Variants in TSPAN15 observed in about 807,000 individuals in gnomAD.
TSPAN15 encodes tetraspanin 15.
TSPAN15 carries 20 observed loss-of-function variants against 34.5 expected under a neutral mutation model. The ratio of observed to expected loss-of-function variants is 0.58; its 90% CI spans 0.41 to 0.84. The LOEUF (loss-of-function observed/expected upper bound fraction) is 0.84. Among genes scored for constraint, TSPAN15 ranks in the 40% least tolerant of loss-of-function variants. TSPAN15 has a pLI of 0.00. For missense variants in TSPAN15, 313 were observed against 386.1 expected (o/e 0.81, Z 1.59); for synonymous variants, 155 against 153.9 (o/e 1.01, Z -0.05).
intron 1 of TSPAN15, among the ~76,000 whole-genome samples, chr10:69,482,030 C>T (rs1841743588): frequency 6.6e-6 from 1 of 151,838 alleles, no homozygotes; most frequent in Non-Finnish European, 1.5e-5. Flanking sequence ...ATTGAAAAAT[C>T]CCTCCTGGAG....
At chr10:69,466,898 C>T (rs1841395631) in intron 1 of TSPAN15, among the ~76,000 whole-genome samples, 1 of 152,194 alleles carries the variant, frequency 6.6e-6, no homozygotes, top group South Asian at 2.1e-4. Context: ...AGGCAGTTGG[C>T]GCTCTGAGGG....
chr10:69,501,337 A>G (rs952606080), intron 5 of TSPAN15, among the ~76,000 whole-genome samples: 1 of 152,176 alleles, frequency 6.6e-6, no homozygotes, highest in Admixed American at 6.5e-5. Context: ...GGTAGGGAGG[A>G]GCCTTCCCCT....
intron 1 of TSPAN15, among the ~76,000 whole-genome samples, chr10:69,455,664 A>G (rs1428793841): frequency 1.8e-5 from 2 of 110,740 alleles, no homozygotes; most frequent in African/African-American, 3.6e-5. Context: ...TCTTTCTTTC[A>G]CTGAGAACAG....
At chr10:69,525,437 A>G in the TSPAN15 span, among the ~76,000 whole-genome samples, 1 of 144,652 alleles carries the variant, frequency 6.9e-6, no homozygotes, top group African/African-American at 2.5e-5. Flanking sequence ...GCTTGAGCTC[A>G]GGACTTCAAG....
intron 6 of TSPAN15, 125 bp from the exon 7 acceptor site, chr10:69,505,999 A>G: frequency 1.4e-6 from 1 of 711,738 alleles, no homozygotes; most frequent in Non-Finnish European, 2.4e-6. Context: ...CATGCTGCAT[A>G]TGGGAAACTG....
rs114453602 is a variant in TSPAN15 at position 69,504,565 on chromosome 10, G to T, written c.618+80G>T. The T allele has an allele frequency of 3.7e-4, 537 of 1,467,840 alleles. 1 individual carries two copies. In the African/African-American group the frequency reaches 6.9e-3, roughly 19 times the overall value. 90.9% of individuals were successfully genotyped at this position (1,467,840 alleles called of 1,614,324 possible). A position where few individuals can be genotyped will look rare whatever the true frequency, so the allele number is the denominator to read the frequency against. ...GGGGTGATCGGAGGGGTTTATTGAG[G>T]TCGGGGTCCTGGCCACTGAGATTTT... On this transcript the variant is annotated intron_variant, in intron 6 of 7. Transcript: ENST00000373290.
At chr10:69,508,087 C>T (rs1020730682), downstream of TSPAN15, among the ~76,000 whole-genome samples, 1 of 152,082 alleles carries the variant, frequency 6.6e-6, no homozygotes, top group Non-Finnish European at 1.5e-5. Context: ...CTCAAACCTT[C>T]GGGCCAGAAG....
chr10:69,487,799 G>T (rs1357443567), intron 3 of TSPAN15, among the ~76,000 whole-genome samples: 2 of 152,190 alleles, frequency 1.3e-5, no homozygotes, highest in Non-Finnish European at 2.9e-5. Context: ...TCACAGCTTG[G>T]GTTTCCGTGG....
intron 1 of TSPAN15, among the ~76,000 whole-genome samples, chr10:69,469,093 G>T (rs183309939): frequency 1.9e-3 from 283 of 151,584 alleles, no homozygotes; most frequent in African/African-American, 6.4e-3. Flanking sequence ...GGGGCTTGGA[G>T]ATTGAGCTCT....
chr10:69,452,241 C>G (rs761484795), intron 1 of TSPAN15, among the ~76,000 whole-genome samples: 1 of 152,248 alleles, frequency 6.6e-6, no homozygotes, highest in Non-Finnish European at 1.5e-5. Flanking sequence ...CTCCTGCACA[C>G]CTAGGTGCTC....
the TSPAN15 span, among the ~76,000 whole-genome samples, chr10:69,520,797 G>A: frequency 6.6e-6 from 1 of 152,184 alleles, no homozygotes; most frequent in African/African-American, 2.4e-5. Context: ...ACAAATATCT[G>A]TTTGAGTTTC....
chr10:69,492,436 ACAAGTGGTGCACACTTG>A (rs1841989147), intron 3 of TSPAN15, among the ~76,000 whole-genome samples: 1 of 152,218 alleles, frequency 6.6e-6, no homozygotes, highest in East Asian at 1.9e-4. Context: ...GCACACACAT[ACAAGTGGTGCACACTTG>A]CAAGAACCAG....
chr10:69,464,561 G>A (rs1841341331), intron 1 of TSPAN15, among the ~76,000 whole-genome samples: 1 of 152,124 alleles, frequency 6.6e-6, no homozygotes, highest in Non-Finnish European at 1.5e-5. Flanking sequence ...TCTCAGGAAG[G>A]ACTTGCCGGC....
chr10:69,466,590 G>A (rs991466905), intron 1 of TSPAN15, among the ~76,000 whole-genome samples: 4 of 152,080 alleles, frequency 2.6e-5, no homozygotes, highest in Admixed American at 2.6e-4. Context: ...TTAAAACATC[G>A]AGTTAATAAT....
intron 1 of TSPAN15, among the ~76,000 whole-genome samples, chr10:69,459,915 T>C (rs1395042812): frequency 1.2e-5 from 1 of 83,440 alleles, no homozygotes; most frequent in African/African-American, 5.0e-5. Context: ...AGGGAGACTC[T>C]AGGCACCCCC....
the TSPAN15 span, among the ~76,000 whole-genome samples, chr10:69,517,156 TCACCTCG>T: frequency 6.6e-6 from 1 of 152,292 alleles, no homozygotes; most frequent in Non-Finnish European, 1.5e-5. Flanking sequence ...ATGTCACCTG[TCACCTCG>T]CTGGTGGCTG....
the TSPAN15 span, among the ~76,000 whole-genome samples, chr10:69,515,363 G>C: frequency 2.6e-5 from 4 of 152,124 alleles, no homozygotes; most frequent in African/African-American, 9.7e-5. Flanking sequence ...AGGTCGCCAG[G>C]GCTGACTCAG....
Position 69,507,205 on chromosome 10 carries a change from C to T in TSPAN15, c.*227C>T. On this transcript the variant is annotated 3_prime_UTR_variant, in exon 8 of 8. Coordinates refer to ENST00000373290, the MANE Select transcript of TSPAN15 (RefSeq NM_012339.5). ...CCGAGGCAGCTCTGGAATCTGTGCC[C>T]ACCTGGGGCCTGGGGAACAAGGCCC... 2 of 1,411,818 alleles carry T rather than the reference C, an allele frequency of 1.4e-6. No individual in the cohort carries two copies. Among genetic ancestry groups the T allele is most frequent in the Non-Finnish European group, 1.8e-6 (2 of 1,088,722 alleles). 87.5% of individuals were successfully genotyped at this position (1,411,818 alleles called of 1,614,324 possible). A position where few individuals can be genotyped will look rare whatever the true frequency, so the allele number is the denominator to read the frequency against.
intron 1 of TSPAN15, among the ~76,000 whole-genome samples, chr10:69,456,348 A>G (rs1292451527): frequency 6.6e-6 from 1 of 152,176 alleles, no homozygotes; most frequent in African/African-American, 2.4e-5. Flanking sequence ...GGGCCTCCCA[A>G]AGTGCTGGGA....
Sources: allele counts gnomAD v4.1 joint callset (sites outside exome capture counted in the v4.1 genomes callset), GRCh38; gene constraint gnomAD v4.1.1; transcripts MANE v1.5; gene names NCBI Gene and HGNC (gene_info 2026-07-23, HGNC 2026-07-21).